SDK1: variants seen among roughly 807,000 people sequenced by gnomAD.
The protein encoded by SDK1 is protein sidekick-1.
In SDK1, 157 loss-of-function variants were observed where a neutral mutation model predicts 245.5. The observed-to-expected ratio is 0.64, with a 90% CI of 0.56 to 0.73. The LOEUF (loss-of-function observed/expected upper bound fraction) is 0.73, where lower values mean the gene tolerates loss of function less well. SDK1 is among the 30% of genes least tolerant of loss of function. SDK1 has a pLI of 0.00. For missense variants in SDK1, 3,583 were observed against 3,002.3 expected, an observed-to-expected ratio of 1.19 and a Z score of -4.52; for synonymous variants, 1,647 against 1,278.5, an observed-to-expected ratio of 1.29 and a Z score of -6.15.
intron 4 of SDK1, among the ~76,000 whole-genome samples, chr7:3,701,923 G>GC (rs1398933380): frequency 7.1e-5 from 2 of 28,326 alleles, no homozygotes; most frequent in Admixed American, 4.2e-4. Context: ...ACGTGCATAA[G>GC]CAAAAAAAAA....
chr7:4,247,522 G>A lies in SDK1; in HGVS notation c.6381+1717G>A, dbSNP rs552090590. Among the ~76,000 whole-genome samples the A allele has an allele frequency of 1.0e-3, 152 of 152,368 alleles. 1 individual carries two copies. Among genetic ancestry groups the A allele is most frequent in the African/African-American group, 3.6e-3 (148 of 41,590 alleles). On this transcript the variant is annotated intron_variant, in intron 44 of 44. Coordinates refer to ENST00000404826, the MANE Select transcript of SDK1 (RefSeq NM_152744.4). ...TGCATGTACGAAAGCAGCAGGTTGTGCGGAGCAGGCAGCCTTCGAGCAGGA... is the reference window on the plus strand; with the variant it reads ...TGCATGTACGAAAGCAGCAGGTTGTACGGAGCAGGCAGCCTTCGAGCAGGA...
At chr7:4,077,506 G>A (rs1780769165) in intron 21 of SDK1, among the ~76,000 whole-genome samples, 1 of 152,200 alleles carries the variant, frequency 6.6e-6, no homozygotes, top group East Asian at 1.9e-4. Context: ...TTTCAAAACA[G>A]TAGCGATGAT....
chr7:3,811,709 C>T (rs1779388415), intron 4 of SDK1, among the ~76,000 whole-genome samples: 1 of 152,152 alleles, frequency 6.6e-6, no homozygotes, highest in Non-Finnish European at 1.5e-5. Context: ...TGCTGCCTGG[C>T]CGTGCAGAAG....
intron 1 of SDK1, among the ~76,000 whole-genome samples, chr7:3,505,336 C>G (rs1054476126): frequency 6.6e-6 from 1 of 152,008 alleles, no homozygotes; most frequent in Non-Finnish European, 1.5e-5. Flanking sequence ...AGCCTCAAAC[C>G]CCTTGGCTCA....
chr7:3,553,421 G>A (rs1221007698), intron 1 of SDK1, among the ~76,000 whole-genome samples: 1 of 152,072 alleles, frequency 6.6e-6, no homozygotes, highest in Non-Finnish European at 1.5e-5. Flanking sequence ...GAAACAGAAG[G>A]AGAACTCTAA....
intron 30 of SDK1, among the ~76,000 whole-genome samples, chr7:4,157,654 C>T (rs542092178): frequency 6.6e-6 from 1 of 152,260 alleles, no homozygotes; most frequent in Non-Finnish European, 1.5e-5. Flanking sequence ...CACTTGGATG[C>T]TTGACAGGGA....
intron 25 of SDK1, among the ~76,000 whole-genome samples, chr7:4,126,460 G>T (rs1349207556): frequency 1.3e-5 from 2 of 152,334 alleles, no homozygotes; most frequent in African/African-American, 4.8e-5. Context: ...GGTGGCTCAC[G>T]CCTGTAATCC....
chr7:4,232,296 GCTGT>G, intron 40 of SDK1, among the ~76,000 whole-genome samples: 1 of 151,122 alleles, frequency 6.6e-6, no homozygotes, highest in Non-Finnish European at 1.5e-5. Context: ...TTGCAAAGAG[GCTGT>G]CTAGCTCCAG....
chr7:3,787,289 A>G (rs929885273), intron 4 of SDK1, among the ~76,000 whole-genome samples: 14 of 152,116 alleles, frequency 9.2e-5, no homozygotes, highest in Non-Finnish European at 5.9e-5. Flanking sequence ...ATAATTGACA[A>G]AATTATTTTT....
At chr7:4,019,575 G>A (rs1055309973) in intron 17 of SDK1, among the ~76,000 whole-genome samples, 2 of 151,784 alleles carry the variant, frequency 1.3e-5, no homozygotes, top group East Asian at 1.9e-4. Context: ...ACCTGACTTC[G>A]ATTGGTCCAA....
At chr7:3,822,820 G>A (rs1289058562) in intron 5 of SDK1, among the ~76,000 whole-genome samples, 1 of 151,808 alleles carries the variant, frequency 6.6e-6, no homozygotes, top group Non-Finnish European at 1.5e-5. Context: ...GATAGTATTT[G>A]CCTGACATGG....
chr7:3,639,052 C>A lies in SDK1; in HGVS notation c.507C>A (p.Cys169Ter). The part of the protein sequence containing the change: ...LQKLDAGFYR[C>*]VVRNRMGALL... ...AGCTCGATGCTGGGTTTTACCGCTG[C>A]GTGGTGCGAAACAGAATGGGAGCAC... is the stretch of plus-strand genomic sequence containing the variant. The change falls in exon 3 of 45, where the codon TGC becomes TGA. Residue 169 changes from cysteine (C) to a stop codon, truncating the protein, a stop_gained. Transcript: ENST00000404826. LOFTEE classifies it high-confidence loss of function. 6.2e-7 allele frequency: 1 copy of A among 1,604,946 alleles called. No homozygotes were observed. Among genetic ancestry groups the A allele is most frequent in the Non-Finnish European group, 8.5e-7 (1 of 1,173,258 alleles).
chr7:3,382,432 T>G (rs997906200), intron 1 of SDK1, among the ~76,000 whole-genome samples: 1 of 152,202 alleles, frequency 6.6e-6, no homozygotes, highest in Admixed American at 6.5e-5. Context: ...TGAAATTGAC[T>G]ATTTAGCAAG....
intron 5 of SDK1, among the ~76,000 whole-genome samples, chr7:3,846,077 A>G (rs914884149): frequency 6.6e-6 from 1 of 152,234 alleles, no homozygotes; most frequent in African/African-American, 2.4e-5. Flanking sequence ...ACATACCAGA[A>G]GGAAAGTGCG....
chr7:3,711,878 G>C (rs1177067442), intron 4 of SDK1, among the ~76,000 whole-genome samples: 2 of 152,132 alleles, frequency 1.3e-5, no homozygotes, highest in Admixed American at 6.5e-5. Flanking sequence ...CCCTGCCATG[G>C]TAGACTTCCA....
intron 1 of SDK1, among the ~76,000 whole-genome samples, chr7:3,423,409 G>T (rs1051864074): frequency 3.2e-4 from 48 of 152,258 alleles, no homozygotes; most frequent in Non-Finnish European, 5.4e-4. Context: ...ACAAAGCAGG[G>T]CTAATGATTG....
At chr7:3,505,150 C>G (rs1055431951) in intron 1 of SDK1, among the ~76,000 whole-genome samples, 1 of 152,078 alleles carries the variant, frequency 6.6e-6, no homozygotes, top group African/African-American at 2.4e-5. Context: ...TTCATAATCT[C>G]TTTTAGGTCA....
At chr7:3,715,349 G>A (rs1011717951) in intron 4 of SDK1, among the ~76,000 whole-genome samples, 4 of 152,214 alleles carry the variant, frequency 2.6e-5, no homozygotes, top group East Asian at 3.9e-4. Flanking sequence ...TTTCCGATCC[G>A]TTTACAGTGG....
intron 41 of SDK1, among the ~76,000 whole-genome samples, chr7:4,234,789 G>A (rs540904189): frequency 2.0e-5 from 3 of 152,348 alleles, no homozygotes; most frequent in East Asian, 1.9e-4. Flanking sequence ...AAGCCAGGGC[G>A]CTGGGGGGTT....
Sources: gnomAD v4.1 joint callset for allele counts (sites outside exome capture counted in the v4.1 genomes callset) on GRCh38, gnomAD v4.1.1 for gene constraint, MANE v1.5 for transcripts, NCBI Gene and HGNC (gene_info 2026-07-23, HGNC 2026-07-21) for gene names.